Variants in UTP20 observed in about 807,000 individuals in gnomAD.
UTP20 encodes the protein UTP20 small subunit processome component.
Under a neutral mutation model 329.5 loss-of-function variants are expected in UTP20, and 164 were observed. That is an observed-to-expected ratio of 0.50 (90% confidence interval 0.44 to 0.57). The LOEUF is 0.57. UTP20 is among the 20% of genes least tolerant of loss of function. The probability of loss-of-function intolerance (pLI) is 0.00; values close to 1 mark genes in which losing one functional copy is unlikely to be tolerated. For synonymous variants in UTP20, 1,151 were observed against 1,159.3 expected, an observed-to-expected ratio of 0.99 and a Z score of 0.14; for missense variants, 3,055 against 3,284.2, an observed-to-expected ratio of 0.93 and a Z score of 1.71.
intron 31 of UTP20, among the ~76,000 whole-genome samples, 169 bp downstream of exon 31, chr12:101,339,126 A>G (rs112875290): frequency 0.2 from 30,136 of 152,066 alleles, 3,607 homozygotes; most frequent in East Asian, 0.37. Flanking sequence ...CAGCCTGACC[A>G]ACATGGCAAA....
chr12:101,365,969 G>A (rs752414995), intron 46 of UTP20, among the ~76,000 whole-genome samples: 39 of 152,104 alleles, frequency 2.6e-4, no homozygotes, highest in Non-Finnish European at 5.3e-4. Context: ...AGTGGCTCAT[G>A]CCTGTAATCC....
At chr12:101,334,377 T>C in intron 28 of UTP20, 48 bp from the exon 29 acceptor site, 2 of 1,523,612 alleles carry the variant, frequency 1.3e-6, no homozygotes, top group Non-Finnish European at 1.8e-6. Context: ...GGTTTTTCTA[T>C]AATTTGGTAT....
chr12:101,385,773 A>G, intron 61 of UTP20, 45 bp downstream of exon 61: 1 of 1,588,278 alleles, frequency 6.3e-7, no homozygotes, highest in Admixed American at 1.9e-5. Context: ...TGGACTTGAT[A>G]ACTACTAAGT....
chr12:101,317,661 A>T lies in UTP20; in HGVS notation c.2736A>T (p.Ala912=), dbSNP rs753814751. The change falls in exon 22 of 62, where the codon GCA becomes GCT. Residue 912 remains alanine (A), a splice_region_variant and synonymous_variant. Coordinates refer to ENST00000261637, the MANE Select transcript of UTP20 (RefSeq NM_014503.3). ...SQKKKTRRAA[A]KQLIAHLQVF... is the part of the protein sequence containing the mutation. ...AGAAAAAGACGAGGAGAGCTGCAGC[A>T]AAGTAAGTTCACCATTGCTGAAAGA... The T allele has an allele frequency of 6.2e-7, 1 of 1,605,908 alleles. No homozygotes were observed. Among genetic ancestry groups the T allele is most frequent in the Non-Finnish European group, 8.5e-7 (1 of 1,176,478 alleles).
chr12:101,383,697 C>T, intron 60 of UTP20, 28 bp downstream of exon 60: 1 of 1,486,678 alleles, frequency 6.7e-7, no homozygotes, highest in Non-Finnish European at 9.0e-7. Context: ...GTTCTCCTGC[C>T]TTTTGCACAT....
rs189765140 is a variant in UTP20 at position 101,337,954 on chromosome 12, A to G, written c.3642-97A>G. On this transcript the variant is annotated intron_variant, in intron 29 of 61. Transcript: ENST00000261637. ...CCTTTGAATAATCTTATTAATGTTG[A>G]ATATTTGTTAAACTCATGGTGAAAA... is the stretch of plus-strand genomic sequence containing the variant. 3.7e-6 allele frequency: 4 copies of G among 1,069,326 alleles called. No homozygotes were observed. The East Asian group carries it at 1.0e-4, about 27-fold the overall frequency. The allele number at this position is 1,069,326 out of a possible 1,614,324, so 66.2% of individuals were successfully genotyped here.
At position 101,326,180 on chromosome 12, in the gene UTP20, T is replaced by C. The variant is rs150044166; in HGVS notation, c.3042-901T>C. On this transcript the variant is annotated intron_variant, in intron 25 of 61. Coordinates refer to ENST00000261637, the MANE Select transcript of UTP20 (RefSeq NM_014503.3). Reference sequence around the variant, plus strand: ...GAACGATTAATCTGTATTAATCTAGTAGATTTTACTAATGACTCTTTCTTG... The same window carrying C: ...GAACGATTAATCTGTATTAATCTAGCAGATTTTACTAATGACTCTTTCTTG... Among the ~76,000 whole-genome samples the C allele has an allele frequency of 3.6e-3, 541 of 152,344 alleles. 2 individuals are homozygous for C. The highest frequency in any genetic ancestry group is 0.012 in the African/African-American group (484 of 41,588).
intron 17 of UTP20, among the ~76,000 whole-genome samples, chr12:101,307,035 A>G (rs1260766120): frequency 6.6e-6 from 1 of 151,890 alleles, no homozygotes; most frequent in Non-Finnish European, 1.5e-5. Context: ...GAAATTAGCC[A>G]GGCGTGGTGG....
intron 29 of UTP20, among the ~76,000 whole-genome samples, chr12:101,337,849 A>G (rs1012902080): frequency 1.3e-5 from 2 of 152,216 alleles, no homozygotes; most frequent in African/African-American, 4.8e-5. Flanking sequence ...TGAGAAATAT[A>G]TATAAAGTGC....
rs781079015 is a variant in UTP20, at chr12:101,338,802, A to G, written c.3869-11A>G. The G allele has an allele frequency of 5.3e-5, 82 of 1,549,290 alleles. No individual in the cohort carries two copies. Among genetic ancestry groups the G allele is most frequent in the African/African-American group, 2.8e-5 (2 of 72,690 alleles). On this transcript the variant is annotated splice_polypyrimidine_tract_variant and intron_variant, in intron 30 of 61. Coordinates refer to ENST00000261637, the MANE Select transcript of UTP20 (RefSeq NM_014503.3). ...TTTATTAAAATCAAATCAAATCACT[A>G]TCTATTTCAGAGTCTATCACAATAG...
At chr12:101,357,366 A>C (rs1040824725) in intron 43 of UTP20, among the ~76,000 whole-genome samples, 1 of 152,158 alleles carries the variant, frequency 6.6e-6, no homozygotes, top group Non-Finnish European at 1.5e-5. Context: ...TCTTAATATA[A>C]TTCTTTTGGG....
chr12:101,356,106 T>C (rs1417308857), intron 41 of UTP20, among the ~76,000 whole-genome samples: 4 of 152,224 alleles, frequency 2.6e-5, no homozygotes, highest in African/African-American at 4.8e-5. Context: ...TTAAGATCTA[T>C]AGAAAGAGCT....
intron 1 of UTP20, among the ~76,000 whole-genome samples, chr12:101,280,630 C>G (rs1871765386): frequency 1.3e-5 from 2 of 152,216 alleles, no homozygotes; most frequent in South Asian, 4.1e-4. Context: ...GCTCTTTTAT[C>G]TTTAAAGACC....
In UTP20 at chr12:101,290,245, A is replaced by G; in HGVS notation, c.706A>G (p.Arg236Gly). The G allele has an allele frequency of 6.2e-7, 1 of 1,608,816 alleles. No individual in the cohort carries two copies. The highest frequency in any genetic ancestry group is 1.1e-5 in the South Asian group (1 of 89,608). Residue 236 changes from arginine (R) to glycine (G), a missense_variant, in exon 7 of 62, where the codon AGA becomes GGA. Around this residue, in one of 3 missense-constraint regions of UTP20, gnomAD observed 2,445 missense variants for 2,575.5 expected, o/e 0.95. Coordinates refer to ENST00000261637, the MANE Select transcript of UTP20 (RefSeq NM_014503.3). ...GCTCTTTGAAATGTGCAAAGGAGTT[A>G]GAAATATGTTTCACTCCTGTACAGG... Reference protein sequence around the residue: ...QLLFEMCKGVRNMFHSCTGQA... With the variant: ...QLLFEMCKGVGNMFHSCTGQA...
intron 25 of UTP20, 72 bp from the exon 26 acceptor site, chr12:101,327,009 C>T: frequency 2.0e-6 from 3 of 1,484,738 alleles, no homozygotes; most frequent in Non-Finnish European, 1.8e-6. Flanking sequence ...CTCTTCTAGC[C>T]TTTTAGGCAA....
chr12:101,289,374 A>ATC (rs1411906701), intron 6 of UTP20, among the ~76,000 whole-genome samples: 1 of 114,236 alleles, frequency 8.8e-6, no homozygotes, highest in Non-Finnish European at 2.2e-5. Context: ...AAGACTCCAT[A>ATC]TCACACACAC....
intron 51 of UTP20, among the ~76,000 whole-genome samples, chr12:101,372,126 A>C (rs1431656825): frequency 1.3e-5 from 2 of 152,228 alleles, no homozygotes; most frequent in Non-Finnish European, 2.9e-5. Flanking sequence ...TAGCACTTTA[A>C]ATGCATGACC....
intron 23 of UTP20, among the ~76,000 whole-genome samples, chr12:101,320,069 C>T (rs913097485): frequency 2.0e-5 from 3 of 152,060 alleles, no homozygotes; most frequent in Admixed American, 1.3e-4. Context: ...GATAAGCTTG[C>T]AGAAAAAAAT....
chr12:101,355,268 A>G, intron 41 of UTP20, 150 bp downstream of exon 41: 3 of 880,330 alleles, frequency 3.4e-6, no homozygotes, highest in Non-Finnish European at 5.1e-6. Context: ...CTCTACTCTT[A>G]TCTCTTCAAC....
Sources: allele counts gnomAD v4.1 joint callset (sites outside exome capture counted in the v4.1 genomes callset), GRCh38; gene constraint gnomAD v4.1.1; regional missense constraint gnomAD v4.1.1; transcripts MANE v1.5; gene names NCBI Gene and HGNC (gene_info 2026-07-23, HGNC 2026-07-21).